The following AHCY variants were observed in gnomAD, a reference collection of about 807,000 sequenced individuals.
AHCY encodes S-adenosyl-L-homocysteine hydrolase.
In AHCY, 24 loss-of-function variants were observed where a neutral mutation model predicts 45.4. The ratio of observed to expected loss-of-function variants is 0.53; its 90% confidence interval spans 0.38 to 0.74. The LOEUF is 0.74. Among genes scored for constraint, AHCY ranks in the 30% least tolerant of loss-of-function variants. AHCY has a pLI of 0.00. For synonymous variants in AHCY, 245 were observed against 235.1 expected (o/e 1.04, Z -0.39); for missense variants, 449 against 594.1 (o/e 0.76, Z 2.54).
At chr20:34,249,478 C>T in the AHCY span, among the ~76,000 whole-genome samples, 1 of 152,188 alleles carries the variant, frequency 6.6e-6, no homozygotes, top group Non-Finnish European at 1.5e-5. Context: ...TTCATAACCA[C>T]TGTGTCATAT....
intron 5 of AHCY, 104 bp from the exon 6 acceptor site, chr20:34,291,042 C>T: frequency 1.8e-6 from 2 of 1,140,894 alleles, no homozygotes; most frequent in Non-Finnish European, 2.6e-6. Flanking sequence ...CATGGGCCCA[C>T]CAAGCATCCC....
intron 5 of AHCY, 125 bp downstream of exon 5, chr20:34,291,294 C>T (rs1055470116): frequency 1.1e-5 from 10 of 911,456 alleles, no homozygotes; most frequent in East Asian, 9.6e-5. Flanking sequence ...TGTCTATAAC[C>T]GCTTTTGCCC....
At chr20:34,306,170 G>A (rs188051133), upstream of AHCY, among the ~76,000 whole-genome samples, 2 of 151,284 alleles carry the variant, frequency 1.3e-5, no homozygotes, top group East Asian at 1.9e-4. Flanking sequence ...ACTGTATATC[G>A]TGCTTTGAGA....
chr20:34,260,225 C>T, the AHCY span: 1 of 786,356 alleles, frequency 1.3e-6, no homozygotes, highest in Non-Finnish European at 2.0e-6. Flanking sequence ...CCATCCTAAG[C>T]CTTGCTAATC....
At chr20:34,273,602 T>C in the AHCY span, among the ~76,000 whole-genome samples, 6 of 152,266 alleles carry the variant, frequency 3.9e-5, no homozygotes, top group Admixed American at 2.0e-4. Flanking sequence ...AGTCATACAG[T>C]AGGAACTTTA....
intron 1 of AHCY, among the ~76,000 whole-genome samples, chr20:34,300,799 A>G (rs2036744262): frequency 6.6e-6 from 1 of 151,344 alleles, no homozygotes; most frequent in African/African-American, 2.4e-5. Flanking sequence ...TCTGCGGAGC[A>G]AGAGATCCAG....
chr20:34,310,357 C>A (rs2036935665), intron 1 of AHCY, among the ~76,000 whole-genome samples: 2 of 152,146 alleles, frequency 1.3e-5, no homozygotes. Context: ...CCATGCCCGG[C>A]TGATTAATTT....
At chr20:34,294,862 C>A (rs1046465354) in intron 2 of AHCY, among the ~76,000 whole-genome samples, 9 of 152,140 alleles carry the variant, frequency 5.9e-5, no homozygotes, top group Non-Finnish European at 1.0e-4. Context: ...AGAGTGAATG[C>A]TGAAAAGAAA....
chr20:34,283,049 A>C (rs2036054026), intron 9 of AHCY, among the ~76,000 whole-genome samples: 1 of 152,230 alleles, frequency 6.6e-6, no homozygotes, highest in Non-Finnish European at 1.5e-5. Flanking sequence ...TGTGCTCAGC[A>C]GAGAGGCGGG....
At chr20:34,294,236 G>T in intron 2 of AHCY, 80 bp from the exon 3 acceptor site, 2 of 1,303,180 alleles carry the variant, frequency 1.5e-6, no homozygotes, top group South Asian at 1.2e-5. Flanking sequence ...AAAAGGGAGA[G>T]CTTCGGGTAG....
At chr20:34,244,081 C>CA in the AHCY span, among the ~76,000 whole-genome samples, 8 of 151,946 alleles carry the variant, frequency 5.3e-5, no homozygotes, top group Non-Finnish European at 1.0e-4. Flanking sequence ...AACAAACAAA[C>CA]AAAAAAACTC....
intron 8 of AHCY, among the ~76,000 whole-genome samples, chr20:34,288,061 A>AC (rs1342338236): frequency 6.6e-6 from 1 of 152,120 alleles, no homozygotes; most frequent in Non-Finnish European, 1.5e-5. Context: ...CGCCCTGGCC[A>AC]CCCCCACACT....
chr20:34,281,179 A>G lies in AHCY; in HGVS notation c.1168-14T>C, dbSNP rs60143059. ...TGCCTCATCCAGCTGGGGAGAAACA[A>G]AGGAAGACCGGGAATCAGTGCCATT... On this transcript the variant is annotated splice_polypyrimidine_tract_variant and intron_variant, in intron 9 of 9. Transcript: ENST00000217426. 1,753 of 1,612,438 alleles carry G rather than the reference A, an allele frequency of 1.1e-3. 20 individuals carry two copies. In the African/African-American group the frequency reaches 0.019, roughly 18 times the overall value.
chr20:34,305,156 A>T (rs2036881432), upstream of AHCY, among the ~76,000 whole-genome samples: 1 of 146,532 alleles, frequency 6.8e-6, no homozygotes, highest in Non-Finnish European at 1.5e-5. Flanking sequence ...TCTACTAAAA[A>T]TACAAAAAAA....
intron 1 of AHCY, chr20:34,302,909 C>T (rs1296576871): frequency 5.1e-6 from 5 of 985,450 alleles, no homozygotes; most frequent in Non-Finnish European, 4.8e-6. Context: ...GGGCGCAGGC[C>T]CCCCGAGCAG....
At chr20:34,233,857 G>A in the AHCY span, among the ~76,000 whole-genome samples, 1 of 152,188 alleles carries the variant, frequency 6.6e-6, no homozygotes, top group Non-Finnish European at 1.5e-5. Flanking sequence ...TGAGATACCA[G>A]TGGAATAGCT....
Position 34,292,511 on chromosome 20 carries a change from G to A in AHCY, c.296-4C>T. On this transcript the variant is annotated splice_region_variant and splice_polypyrimidine_tract_variant and intron_variant, in intron 3 of 9. Transcript: ENST00000217426. ...GTTTCGCCCTTCCAGGCATACACTG[G>A]AGGGTGAGTGGCACATCAGGGCCTG... The A allele has an allele frequency of 2.5e-6, 4 of 1,613,950 alleles. No individual in the cohort carries two copies. The highest frequency in any genetic ancestry group is 3.4e-6 in the Non-Finnish European group (4 of 1,180,028).
chr20:34,268,865 C>T, the AHCY span: 3 of 1,199,280 alleles, frequency 2.5e-6, no homozygotes, highest in East Asian at 2.7e-5. Flanking sequence ...GGGCGGTGGG[C>T]GGTGGGCAAG....
rs1461286083 is a variant in AHCY at position 34,292,321 on chromosome 20, C to A, written c.445+37G>T. ...TGTGGGCAAACAGGCCCCACCCAGGCCACCAGCACCCAGCCCACCTGCCCC... is the reference window on the plus strand; with the variant it reads ...TGTGGGCAAACAGGCCCCACCCAGGACACCAGCACCCAGCCCACCTGCCCC... On this transcript the variant is annotated intron_variant, in intron 4 of 9. Coordinates refer to ENST00000217426, the MANE Select transcript of AHCY (RefSeq NM_000687.4). 6 of 1,606,018 alleles carry A rather than the reference C, an allele frequency of 3.7e-6. No individual in the cohort carries two copies. The East Asian group carries it at 1.3e-4, about 36-fold the overall frequency.
Sources: gnomAD v4.1 joint callset for allele counts (sites outside exome capture counted in the v4.1 genomes callset) on GRCh38, gnomAD v4.1.1 for gene constraint, MANE v1.5 for transcripts, NCBI Gene and HGNC (gene_info 2026-07-23, HGNC 2026-07-21) for gene names.